Variants in MACROD1 observed in about 807,000 individuals in gnomAD.
MACROD1 encodes mono-ADP ribosylhydrolase 1, also known as ADP-ribose glycohydrolase MACROD1.
In MACROD1, 31 loss-of-function variants were observed where a neutral mutation model predicts 41.4. The observed-to-expected ratio is 0.75, with a 90% CI of 0.56 to 1.01. The LOEUF is 1.01. Among genes scored for constraint, MACROD1 ranks in the 50% least tolerant of loss-of-function variants. The probability of loss-of-function intolerance (pLI) is 0.00; values close to 1 mark genes in which losing one functional copy is unlikely to be tolerated. For missense variants in MACROD1, 473 were observed against 460.0 expected (o/e 1.03, Z -0.26); for synonymous variants, 252 against 203.4 (o/e 1.24, Z -2.03).
At chr11:64,009,387 C>A (rs1053350405) in intron 4 of MACROD1, among the ~76,000 whole-genome samples, 17 of 152,176 alleles carry the variant, frequency 1.1e-4, no homozygotes, top group African/African-American at 3.4e-4. Context: ...CAGACACAGG[C>A]CTTCCCCCTG....
In MACROD1 at chr11:64,067,256, C is replaced by T. The variant is rs569421450; in HGVS notation, c.518-51975G>A. On this transcript the variant is annotated intron_variant, in intron 3 of 10. Coordinates refer to ENST00000255681, the MANE Select transcript of MACROD1 (RefSeq NM_014067.4). This position sits in a 1 kb window ranked among gnomAD's most constrained non-coding sequence, Gnocchi z 4.6. ...TGCATGGCACCCACTCCCACCTGTG[C>T]GGCACGAGAGGGAGGGAAGGAGCAT... 3.3e-5 allele frequency among the ~76,000 whole-genome samples: 5 copies of T among 152,028 alleles called. No individual in the cohort carries two copies. Among genetic ancestry groups the T allele is most frequent in the African/African-American group, 9.7e-5 (4 of 41,368 alleles).
rs866180383 is a variant in MACROD1 at position 64,120,903 on chromosome 11, C to T, written c.517+30336G>A. Among the ~76,000 whole-genome samples the T allele has an allele frequency of 2.4e-4, 37 of 152,170 alleles. No individual in the cohort carries two copies. Among genetic ancestry groups the T allele is most frequent in the African/African-American group, 8.0e-4 (33 of 41,430 alleles). On this transcript the variant is annotated intron_variant, in intron 3 of 10. Coordinates refer to ENST00000255681, the MANE Select transcript of MACROD1 (RefSeq NM_014067.4). The surrounding 1 kb of genome is among the most constrained non-coding windows in gnomAD (Gnocchi z 4.5). ...CCTTCCCCCAAGTCCCGCCCATCTGCAACACGGTGCTGCCAGCACACTGTC... is the reference window on the plus strand; with the variant it reads ...CCTTCCCCCAAGTCCCGCCCATCTGTAACACGGTGCTGCCAGCACACTGTC...
chr11:64,054,545 G>A (rs1241124906), intron 3 of MACROD1, among the ~76,000 whole-genome samples: 1 of 152,108 alleles, frequency 6.6e-6, no homozygotes, highest in Non-Finnish European at 1.5e-5. Context: ...CTGATGGGGT[G>A]CAGAGTGGCA....
intron 3 of MACROD1, among the ~76,000 whole-genome samples, chr11:64,059,955 G>T (rs1300092704): frequency 6.6e-6 from 1 of 152,200 alleles, no homozygotes; most frequent in Admixed American, 6.5e-5. Context: ...GGGATGTTGG[G>T]GGGCCGGGGC....
chr11:64,014,673 C>T (rs1034976839), intron 4 of MACROD1, among the ~76,000 whole-genome samples: 6 of 152,202 alleles, frequency 3.9e-5, no homozygotes, highest in East Asian at 3.9e-4. Context: ...TACAGGGACA[C>T]GCCCGCTTGG....
Position 64,166,073 on chromosome 11 carries a change from C to T in MACROD1, c.-79G>A, listed in dbSNP as rs2134747332. On this transcript the variant is annotated 5_prime_UTR_variant, in exon 1 of 11. Coordinates refer to ENST00000255681, the MANE Select transcript of MACROD1 (RefSeq NM_014067.4). ...CGGGAGTGTCTCTCCCTTATTTACT[C>T]TGGGACCGGGTGGCGACTGCCAGCC... is the stretch of plus-strand genomic sequence containing the variant. 2.4e-6 allele frequency: 3 copies of T among 1,227,906 alleles called. No individual in the cohort carries two copies. Among genetic ancestry groups the T allele is most frequent in the Non-Finnish European group, 3.0e-6 (3 of 984,950 alleles). The allele number at this position is 1,227,906 out of a possible 1,614,324, so 76.1% of individuals were successfully genotyped here.
At chr11:64,021,730 G>A (rs572429339) in intron 3 of MACROD1, among the ~76,000 whole-genome samples, 9 of 151,992 alleles carry the variant, frequency 5.9e-5, no homozygotes, top group Admixed American at 2.0e-4. Flanking sequence ...CTTGTGAGCC[G>A]GATCTCAGCC....
chr11:64,124,313 C>T (rs1018658368), intron 3 of MACROD1, among the ~76,000 whole-genome samples: 14 of 152,334 alleles, frequency 9.2e-5, no homozygotes, highest in African/African-American at 3.4e-4. Flanking sequence ...GCCAGGGCTG[C>T]CCCACGTGCA....
chr11:64,015,868 C>T (rs1943074611), intron 3 of MACROD1, among the ~76,000 whole-genome samples: 1 of 152,180 alleles, frequency 6.6e-6, no homozygotes, highest in Non-Finnish European at 1.5e-5. Context: ...ACAAGGCGAG[C>T]CGGGTAAGGG....
At chr11:64,092,653 C>T (rs1186363788) in intron 3 of MACROD1, among the ~76,000 whole-genome samples, 1 of 152,234 alleles carries the variant, frequency 6.6e-6, no homozygotes, top group Non-Finnish European at 1.5e-5. Context: ...TGTGTGCCAG[C>T]CACCAGCTGG....
chr11:64,131,116 T>C (rs1462974849), intron 3 of MACROD1, among the ~76,000 whole-genome samples: 1 of 152,038 alleles, frequency 6.6e-6, no homozygotes, highest in African/African-American at 2.4e-5. Flanking sequence ...CCCCAGGAGG[T>C]CCCTGTGCAG....
intron 3 of MACROD1, chr11:64,116,689 C>T: frequency 6.2e-7 from 1 of 1,613,878 alleles, no homozygotes; most frequent in Non-Finnish European, 8.5e-7. Flanking sequence ...AATGTGCGCA[C>T]CATTGCCAGG....
intron 3 of MACROD1, among the ~76,000 whole-genome samples, chr11:64,094,529 A>AT (rs199795187): frequency 0.014 from 2,151 of 152,250 alleles, 44 homozygotes; most frequent in Non-Finnish European, 0.016. Context: ...TCAGTTAGAA[A>AT]TGAATGGCAG....
chr11:64,078,263 G>C (rs1373735771), intron 3 of MACROD1, among the ~76,000 whole-genome samples: 1 of 152,180 alleles, frequency 6.6e-6, no homozygotes, highest in Non-Finnish European at 1.5e-5. Context: ...TGTGCTCTCA[G>C]CACAGGTCCC....
intron 3 of MACROD1, among the ~76,000 whole-genome samples, chr11:64,139,215 T>G (rs1456442084): frequency 6.6e-6 from 1 of 152,192 alleles, no homozygotes; most frequent in Non-Finnish European, 1.5e-5. Flanking sequence ...CCCCCGGATC[T>G]GCAGCCCACA....
chr11:64,149,166 C>T (rs951611952), intron 3 of MACROD1: 1 of 297,330 alleles, frequency 3.4e-6, no homozygotes, highest in Non-Finnish European at 5.0e-6. Flanking sequence ...GGGGTGATGC[C>T]CAGAACGGCG....
intron 1 of MACROD1, 37 bp downstream of exon 1, chr11:64,165,660 C>T: frequency 2.0e-5 from 27 of 1,355,832 alleles, no homozygotes; most frequent in Non-Finnish European, 2.5e-5. Context: ...CACGTGAGGC[C>T]GCCCTCTCCC....
intron 3 of MACROD1, among the ~76,000 whole-genome samples, chr11:64,100,263 C>T (rs1331035991): frequency 1.3e-5 from 2 of 152,198 alleles, no homozygotes; most frequent in African/African-American, 2.4e-5. Flanking sequence ...GAGGGTGGTG[C>T]AGAGATGTGA....
Position 63,998,857 on chromosome 11 carries a change from C to T in MACROD1, c.*11G>A. ...GCTTACCAGTCCCGGTCAGGGTGGGCTGCGGGAGCCTCAGGCTGGAAGGCA... is the reference window on the plus strand; with the variant it reads ...GCTTACCAGTCCCGGTCAGGGTGGGTTGCGGGAGCCTCAGGCTGGAAGGCA... On this transcript the variant is annotated 3_prime_UTR_variant, in exon 10 of 11. Coordinates refer to ENST00000255681, the MANE Select transcript of MACROD1 (RefSeq NM_014067.4). 1 of 1,590,250 alleles carries T rather than the reference C, an allele frequency of 6.3e-7. No individual in the cohort carries two copies. The highest frequency in any genetic ancestry group is 1.1e-5 in the South Asian group (1 of 88,306).
Sources: gnomAD v4.1 joint callset for allele counts (sites outside exome capture counted in the v4.1 genomes callset) on GRCh38, gnomAD v4.1.1 for gene constraint, Gnocchi (gnomAD v3.1) non-coding constraint, MANE v1.5 for transcripts, NCBI Gene and HGNC (gene_info 2026-07-23, HGNC 2026-07-21) for gene names.